KIF18A: variants seen among roughly 807,000 people sequenced by gnomAD.
KIF18A encodes kinesin family member 18A.
Under a neutral mutation model 103.3 loss-of-function variants are expected in KIF18A, and 67 were observed. The ratio of observed to expected loss-of-function variants is 0.65; its 90% confidence interval spans 0.53 to 0.79. The LOEUF is 0.79. Among genes scored for constraint, KIF18A ranks in the 30% least tolerant of loss-of-function variants. KIF18A has a pLI of 0.00. For missense variants in KIF18A, 1,032 were observed against 1,062.5 expected (o/e 0.97, Z 0.40); for synonymous variants, 367 against 355.5 (o/e 1.03, Z -0.36).
chr11:28,065,090 C>A (rs1850901993), intron 11 of KIF18A, among the ~76,000 whole-genome samples: 1 of 151,932 alleles, frequency 6.6e-6, no homozygotes, highest in Non-Finnish European at 1.5e-5. Context: ...TAGGAGTCTG[C>A]ATTAGGATAG....
At chr11:28,036,072 G>C in intron 14 of KIF18A, 145 bp downstream of exon 14, 1 of 578,744 alleles carries the variant, frequency 1.7e-6, no homozygotes, top group Non-Finnish European at 3.0e-6. Context: ...TTAATATTCA[G>C]AGAGAAAGAT....
chr11:28,053,101 A>C (rs1288263280), intron 13 of KIF18A, among the ~76,000 whole-genome samples: 1 of 152,188 alleles, frequency 6.6e-6, no homozygotes, highest in African/African-American at 2.4e-5. Flanking sequence ...AGAGTGTCCA[A>C]GATTAAAAAA....
intron 2 of KIF18A, among the ~76,000 whole-genome samples, chr11:28,095,492 G>T (rs1851356571): frequency 6.6e-6 from 1 of 152,044 alleles, no homozygotes; most frequent in Non-Finnish European, 1.5e-5. Context: ...CTCTCTTCTG[G>T]CATGTATCAC....
intron 13 of KIF18A, among the ~76,000 whole-genome samples, 185 bp downstream of exon 13, chr11:28,058,741 T>G (rs566533883): frequency 7.1e-6 from 1 of 139,896 alleles, no homozygotes; most frequent in African/African-American, 2.6e-5. Context: ...ATATAGAACA[T>G]CAATGCATAC....
At chr11:28,079,973 G>C (rs1010608724) in intron 9 of KIF18A, among the ~76,000 whole-genome samples, 1 of 152,000 alleles carries the variant, frequency 6.6e-6, no homozygotes, top group Non-Finnish European at 1.5e-5. Context: ...TCAAAATTCT[G>C]TATTGGTTTA....
intron 12 of KIF18A, 52 bp downstream of exon 12, chr11:28,062,342 TG>T: frequency 6.7e-7 from 1 of 1,485,264 alleles, no homozygotes; most frequent in Non-Finnish European, 9.0e-7. Context: ...ATTGAACTTC[TG>T]TGCTTCAGAT....
At chr11:28,101,035 C>T (rs1042842082) in intron 1 of KIF18A, among the ~76,000 whole-genome samples, 7 of 152,114 alleles carry the variant, frequency 4.6e-5, no homozygotes, top group African/African-American at 1.7e-4. Context: ...TTCCTATCTG[C>T]CCCACTCCTG....
In KIF18A at chr11:28,075,426, TAA is replaced by T. The variant is rs1024348448; in HGVS notation, c.1425+1579_1425+1580del. ...ATATTTCATGGGGTTTTCTGAGAAT[TAA>T]AAAGAGTCAATATATGTAAAGTGCT... On this transcript the variant is annotated intron_variant, in intron 10 of 16. Transcript: ENST00000263181. 3.3e-5 allele frequency among the ~76,000 whole-genome samples: 5 copies of T among 152,192 alleles called. No homozygotes were observed. The East Asian group carries it at 5.8e-4, about 18-fold the overall frequency.
intron 13 of KIF18A, among the ~76,000 whole-genome samples, chr11:28,047,991 C>A (rs1850660870): frequency 6.6e-6 from 1 of 152,022 alleles, no homozygotes; most frequent in Non-Finnish European, 1.5e-5. Context: ...TCTATGTATA[C>A]ATGTGTATAT....
In KIF18A at chr11:28,058,969, A is replaced by G; in HGVS notation, c.1905T>C (p.Leu635=). ...KQNDLPGISV[L]MTFPQLGPVQ... ...CTGGTCCAAGTTGTGGAAAGGTCAT[A>G]AGAACAGAAATCCCTGGTAGATCGT... The change falls in exon 13 of 17, where the codon CTT becomes CTC. Residue 635 remains leucine (L), a synonymous_variant. Coordinates refer to ENST00000263181, the MANE Select transcript of KIF18A (RefSeq NM_031217.4). 6.2e-7 allele frequency: 1 copy of G among 1,614,108 alleles called. No homozygotes were observed. Among genetic ancestry groups the G allele is most frequent in the Non-Finnish European group, 8.5e-7 (1 of 1,179,976 alleles).
chr11:28,023,512 T>A (rs1026888647), intron 16 of KIF18A, among the ~76,000 whole-genome samples: 1 of 152,288 alleles, frequency 6.6e-6, no homozygotes, highest in African/African-American at 2.4e-5. Flanking sequence ...TAAGATCTGG[T>A]TCTTGAGTTT....
intron 14 of KIF18A, among the ~76,000 whole-genome samples, chr11:28,035,934 T>C (rs1476844587): frequency 6.6e-6 from 1 of 151,524 alleles, no homozygotes; most frequent in East Asian, 1.9e-4. Context: ...CCTCCAACAA[T>C]AGCTTGTATA....
At chr11:28,022,011 CTA>C (rs1850252091) in intron 16 of KIF18A, among the ~76,000 whole-genome samples, 1 of 152,084 alleles carries the variant, frequency 6.6e-6, no homozygotes, top group African/African-American at 2.4e-5. Context: ...ACTGATGGTC[CTA>C]TGTTTCTTTA....
At chr11:28,042,984 G>A (rs1235499189) in intron 13 of KIF18A, among the ~76,000 whole-genome samples, 1 of 151,816 alleles carries the variant, frequency 6.6e-6, no homozygotes, top group African/African-American at 2.4e-5. Context: ...ATCCCAAGGA[G>A]TTAAGTAAAA....
At chr11:28,065,157 G>A (rs377216762) in intron 11 of KIF18A, among the ~76,000 whole-genome samples, 61 of 152,136 alleles carry the variant, frequency 4.0e-4, no homozygotes, top group African/African-American at 1.4e-3. Context: ...AGTAAATAAT[G>A]CAGGAGAGTA....
intron 6 of KIF18A, among the ~76,000 whole-genome samples, chr11:28,085,268 C>A (rs1851212299): frequency 6.6e-6 from 1 of 152,056 alleles, no homozygotes; most frequent in South Asian, 2.1e-4. Context: ...AAGGGAGTCT[C>A]CTTTCCTTGG....
Position 28,083,074 on chromosome 11 carries a change from T to C in KIF18A, c.1149+95A>G, listed in dbSNP as rs550986363. ...TGAATTAACCAGATTTTAATTTTAA[T>C]AGAAAAATATGTTAAATTTTTGGAC... On this transcript the variant is annotated intron_variant, in intron 8 of 16. Coordinates refer to ENST00000263181, the MANE Select transcript of KIF18A (RefSeq NM_031217.4). 11 of 1,483,368 alleles carry C rather than the reference T, an allele frequency of 7.4e-6. No homozygotes were observed. In the South Asian group the frequency reaches 1.3e-4, roughly 18 times the overall value. The allele number at this position is 1,483,368 out of a possible 1,614,324, so 91.9% of individuals were successfully genotyped here. A position where few individuals can be genotyped will look rare whatever the true frequency, so the allele number is the denominator to read the frequency against.
At position 28,021,176 on chromosome 11, in the gene KIF18A, C is replaced by A; in HGVS notation, c.*24G>T. On this transcript the variant is annotated 3_prime_UTR_variant, in exon 17 of 17. Transcript: ENST00000263181. ...TTTGAAAAGCAGATTTGATCAACTTCATTTTGCTTGGTTTTGAAGTGATTT... is the reference window on the plus strand; with the variant it reads ...TTTGAAAAGCAGATTTGATCAACTTAATTTTGCTTGGTTTTGAAGTGATTT... 1 of 1,472,774 alleles carries A rather than the reference C, an allele frequency of 6.8e-7. No individual in the cohort carries two copies. The allele number at this position is 1,472,774 out of a possible 1,614,324, so 91.2% of individuals were successfully genotyped here. A position where few individuals can be genotyped will look rare whatever the true frequency, so the allele number is the denominator to read the frequency against.
chr11:28,055,847 A>G (rs1850773894), intron 13 of KIF18A, among the ~76,000 whole-genome samples: 1 of 152,188 alleles, frequency 6.6e-6, no homozygotes, highest in Non-Finnish European at 1.5e-5. Context: ...CAAGAAAATC[A>G]GTCTAAACAG....
Sources: gnomAD v4.1 joint callset for allele counts (sites outside exome capture counted in the v4.1 genomes callset) on GRCh38, gnomAD v4.1.1 for gene constraint, MANE v1.5 for transcripts, NCBI Gene and HGNC (gene_info 2026-07-23, HGNC 2026-07-21) for gene names.